ATE1: variants seen among roughly 807,000 people sequenced by gnomAD.
The protein encoded by ATE1 is arginyltransferase 1, also known as arginyl-tRNA--protein transferase 1.
ATE1 carries 36 observed loss-of-function variants against 70.5 expected under a neutral mutation model. The observed-to-expected ratio is 0.51, with a 90% CI of 0.39 to 0.67. The LOEUF (loss-of-function observed/expected upper bound fraction) is 0.67. ATE1 is among the 30% of genes least tolerant of loss of function. ATE1 has a pLI of 0.00. For missense variants in ATE1, 593 were observed against 629.5 expected (o/e 0.94, Z 0.62); for synonymous variants, 232 against 219.3 (o/e 1.06, Z -0.51).
At chr10:121,860,267 T>C (rs1949421266) in intron 8 of ATE1, among the ~76,000 whole-genome samples, 1 of 152,182 alleles carries the variant, frequency 6.6e-6, no homozygotes, top group South Asian at 2.1e-4. Context: ...AAAGCCAATT[T>C]AGGGGAATGC....
At chr10:121,755,282 G>T (rs1944750513) in intron 11 of ATE1, among the ~76,000 whole-genome samples, 1 of 152,110 alleles carries the variant, frequency 6.6e-6, no homozygotes, top group Non-Finnish European at 1.5e-5. Flanking sequence ...GTCTAGTAAT[G>T]TAAAAAAAAG....
intron 10 of ATE1, among the ~76,000 whole-genome samples, chr10:121,790,533 C>G (rs142354950): frequency 6.8e-4 from 103 of 152,254 alleles, no homozygotes; most frequent in Non-Finnish European, 1.3e-3. Flanking sequence ...TTGGAAAATT[C>G]GAGTTTTTAC....
intron 11 of ATE1, among the ~76,000 whole-genome samples, chr10:121,749,306 C>T (rs1019477123): frequency 6.6e-6 from 1 of 152,128 alleles, no homozygotes; most frequent in Non-Finnish European, 1.5e-5. Flanking sequence ...ATTTATTCAA[C>T]CAAGAAGGTA....
intron 11 of ATE1, among the ~76,000 whole-genome samples, chr10:121,752,699 A>G (rs1944638858): frequency 1.3e-5 from 2 of 152,158 alleles, no homozygotes; most frequent in African/African-American, 4.8e-5. Context: ...TTGAAAACTA[A>G]CTGACCATAA....
chr10:121,795,021 G>A (rs1396514352), intron 10 of ATE1, among the ~76,000 whole-genome samples: 3 of 152,184 alleles, frequency 2.0e-5, no homozygotes, highest in Non-Finnish European at 4.4e-5. Context: ...GCCGAGGCAG[G>A]CAGATCACTT....
intron 11 of ATE1, among the ~76,000 whole-genome samples, chr10:121,768,119 T>C (rs754215130): frequency 2.0e-5 from 3 of 152,252 alleles, no homozygotes; most frequent in Admixed American, 6.5e-5. Context: ...ATGACACCAC[T>C]AATTTTTGGT....
chr10:121,789,910 C>A (rs1308235507), intron 11 of ATE1, among the ~76,000 whole-genome samples: 1 of 150,178 alleles, frequency 6.7e-6, no homozygotes, highest in Non-Finnish European at 1.5e-5. Context: ...CCCCTCAAAG[C>A]ATATAAAAAC....
At chr10:121,879,118 A>AT (rs534000747) in intron 7 of ATE1, among the ~76,000 whole-genome samples, 17 of 152,102 alleles carry the variant, frequency 1.1e-4, no homozygotes, top group Admixed American at 6.6e-4. Flanking sequence ...ATAGGTGGGG[A>AT]TTTTTTTAAA....
chr10:121,850,860 G>T (rs1353448872), intron 8 of ATE1, among the ~76,000 whole-genome samples: 1 of 151,848 alleles, frequency 6.6e-6, no homozygotes, highest in African/African-American at 2.4e-5. Flanking sequence ...GGGAGGCCAA[G>T]GTGGGTGGAT....
At chr10:121,862,301 T>C (rs1220168806) in intron 8 of ATE1, among the ~76,000 whole-genome samples, 4 of 152,154 alleles carry the variant, frequency 2.6e-5, no homozygotes, top group African/African-American at 9.7e-5. Context: ...ATTCTAGCCA[T>C]TGGAGAGACC....
chr10:121,746,950 G>A (rs1415698148), intron 11 of ATE1, among the ~76,000 whole-genome samples: 2 of 152,178 alleles, frequency 1.3e-5, no homozygotes, highest in African/African-American at 2.4e-5. Flanking sequence ...TCATCTTAGA[G>A]AATGTCAGTT....
intron 11 of ATE1, among the ~76,000 whole-genome samples, chr10:121,779,049 G>A (rs906515350): frequency 1.3e-5 from 2 of 152,022 alleles, no homozygotes. Context: ...TCAGACACTC[G>A]CTCTCAACAC....
chr10:121,795,924 A>G (rs1946641589), intron 10 of ATE1, among the ~76,000 whole-genome samples: 1 of 152,202 alleles, frequency 6.6e-6, no homozygotes. Flanking sequence ...TGGTCAGAAG[A>G]AAAAATATTT....
At chr10:121,836,653 TA>T in intron 10 of ATE1, 64 bp downstream of exon 10, 2 of 1,090,096 alleles carry the variant, frequency 1.8e-6, no homozygotes, top group South Asian at 1.5e-5. Flanking sequence ...TGCCCTGAGA[TA>T]AAAATTTTAT....
intron 10 of ATE1, among the ~76,000 whole-genome samples, chr10:121,829,751 TG>T (rs1460198559): frequency 6.6e-6 from 1 of 152,100 alleles, no homozygotes; most frequent in Non-Finnish European, 1.5e-5. Context: ...TCGCTCCTAT[TG>T]AAGAAATAAA....
intron 3 of ATE1, among the ~76,000 whole-genome samples, chr10:121,920,956 T>C (rs973122531): frequency 6.6e-6 from 1 of 151,414 alleles, no homozygotes; most frequent in Non-Finnish European, 1.5e-5. Flanking sequence ...ATCGCGCCAT[T>C]GCACTCCAGC....
chr10:121,840,512 A>G (rs1948589145), intron 9 of ATE1, among the ~76,000 whole-genome samples: 1 of 152,164 alleles, frequency 6.6e-6, no homozygotes, highest in Non-Finnish European at 1.5e-5. Context: ...TGACAAGAAT[A>G]TAAGTCATAT....
chr10:121,890,587 C>A (rs1039369025), intron 7 of ATE1, among the ~76,000 whole-genome samples: 6 of 152,102 alleles, frequency 3.9e-5, no homozygotes, highest in Non-Finnish European at 8.8e-5. Flanking sequence ...TCAGTGAATG[C>A]AGAAGTATGA....
intron 11 of ATE1, among the ~76,000 whole-genome samples, chr10:121,759,640 C>A (rs750114995): frequency 6.0e-5 from 9 of 150,114 alleles, no homozygotes; most frequent in Non-Finnish European, 1.3e-4. Flanking sequence ...AGGAGACTGG[C>A]GTGAACCCAG....
Sources: gnomAD v4.1 joint callset for allele counts (sites outside exome capture counted in the v4.1 genomes callset) on GRCh38, gnomAD v4.1.1 for gene constraint, MANE v1.5 for transcripts, NCBI Gene and HGNC (gene_info 2026-07-23, HGNC 2026-07-21) for gene names.